Variants in GRID1 observed in about 807,000 individuals in gnomAD.
The protein encoded by GRID1 is glutamate receptor ionotropic, delta-1.
In GRID1, 28 loss-of-function variants were observed where a neutral mutation model predicts 98.0. The observed-to-expected ratio is 0.29, with a 90% confidence interval of 0.21 to 0.39. The LOEUF is 0.39. Among genes scored for constraint, GRID1 ranks in the 10% least tolerant of loss-of-function variants. The pLI, the probability that GRID1 is intolerant of heterozygous loss-of-function variation, is 1.00. For missense variants in GRID1, 1,111 were observed against 1,340.5 expected (o/e 0.83, Z 2.67); for synonymous variants, 553 against 538.5 (o/e 1.03, Z -0.37).
intron 4 of GRID1, among the ~76,000 whole-genome samples, chr10:85,968,527 A>C (rs1484812766): frequency 6.6e-6 from 1 of 152,098 alleles, no homozygotes; most frequent in Non-Finnish European, 1.5e-5. Context: ...AAATGTATAA[A>C]TATGCAATTT....
chr10:85,705,005 C>T lies in GRID1; in HGVS notation c.1997+17998G>A, dbSNP rs1050670596. Among the ~76,000 whole-genome samples, 3 of 152,126 alleles carry T rather than the reference C, an allele frequency of 2.0e-5. No individual in the cohort carries two copies. In the South Asian group the frequency reaches 6.2e-4, roughly 31 times the overall value. ...GGAAATTTATAGCACTAAATACCCA[C>T]AAGAGAAAGCAGGAAAGATCTAAAA... On this transcript the variant is annotated intron_variant, in intron 12 of 15. Transcript: ENST00000327946.
intron 4 of GRID1, among the ~76,000 whole-genome samples, chr10:86,107,772 G>A (rs987816119): frequency 4.6e-5 from 7 of 152,136 alleles, no homozygotes; most frequent in Admixed American, 2.6e-4. Context: ...AGCAGGTACC[G>A]GGAGGCCAGC....
At chr10:86,165,556 G>A (rs140504246) in intron 3 of GRID1, among the ~76,000 whole-genome samples, 84 of 152,298 alleles carry the variant, frequency 5.5e-4, no homozygotes, top group Non-Finnish European at 8.7e-4. Flanking sequence ...CCAAAGAGGC[G>A]GCCTGTGGCT....
At chr10:85,962,999 T>C (rs1307267368) in intron 4 of GRID1, among the ~76,000 whole-genome samples, 1 of 152,116 alleles carries the variant, frequency 6.6e-6, no homozygotes, top group Non-Finnish European at 1.5e-5. Flanking sequence ...AAGAAGCAGG[T>C]TCTGTGTGAG....
At chr10:86,024,445 T>C (rs1417901563) in intron 4 of GRID1, among the ~76,000 whole-genome samples, 3 of 152,198 alleles carry the variant, frequency 2.0e-5, no homozygotes, top group African/African-American at 4.8e-5. Flanking sequence ...ATTTTTTCCC[T>C]AGGCAGCATG....
intron 2 of GRID1, among the ~76,000 whole-genome samples, chr10:86,288,070 CA>C (rs1847460444): frequency 6.6e-6 from 1 of 152,158 alleles, no homozygotes; most frequent in Non-Finnish European, 1.5e-5. Context: ...GGGGAAAAGG[CA>C]GCAGGAAGAT....
At chr10:85,757,842 G>A (rs187892452) in intron 8 of GRID1, among the ~76,000 whole-genome samples, 1 of 152,346 alleles carries the variant, frequency 6.6e-6, no homozygotes, top group East Asian at 1.9e-4. Flanking sequence ...CAACTAAAAA[G>A]GGTCTGGTAC....
At chr10:85,894,946 T>G (rs188765068) in intron 5 of GRID1, among the ~76,000 whole-genome samples, 2 of 147,630 alleles carry the variant, frequency 1.4e-5, no homozygotes, top group East Asian at 4.0e-4. Flanking sequence ...AGCTGGAGGT[T>G]GCAGTGAACC....
At chr10:85,986,623 G>A (rs964971033) in intron 4 of GRID1, among the ~76,000 whole-genome samples, 1 of 152,314 alleles carries the variant, frequency 6.6e-6, no homozygotes, top group Admixed American at 6.5e-5. Context: ...GAGCAAGTCT[G>A]TGCCAGGCCC....
chr10:86,060,350 C>G (rs1442189995), intron 4 of GRID1, among the ~76,000 whole-genome samples: 1 of 152,118 alleles, frequency 6.6e-6, no homozygotes, highest in East Asian at 1.9e-4. Context: ...TTCTGTATTC[C>G]AGCATTTATA....
At chr10:85,721,554 C>T (rs1388154533) in intron 12 of GRID1, among the ~76,000 whole-genome samples, 1 of 152,040 alleles carries the variant, frequency 6.6e-6, no homozygotes, top group African/African-American at 2.4e-5. Context: ...CACATGAAAA[C>T]GTGGACGAAT....
At position 85,934,557 on chromosome 10, in the gene GRID1, G is replaced by C. The variant is rs146508043; in HGVS notation, c.727-18318C>G. Among the ~76,000 whole-genome samples, 448 of 152,214 alleles carry C rather than the reference G, an allele frequency of 2.9e-3. 2 individuals are homozygous for C. Among genetic ancestry groups the C allele is most frequent in the African/African-American group, 0.01 (429 of 41,520 alleles). ...TTCTAAGAGTCTAGATTCACATTTA[G>C]TGCTCTGGGACAAAAATCATATGTT... On this transcript the variant is annotated intron_variant, in intron 4 of 15. Coordinates refer to ENST00000327946, the MANE Select transcript of GRID1 (RefSeq NM_017551.3).
intron 4 of GRID1, among the ~76,000 whole-genome samples, chr10:86,094,601 C>T (rs544959353): frequency 1.0e-3 from 154 of 152,102 alleles, no homozygotes; most frequent in Non-Finnish European, 1.9e-3. Flanking sequence ...TTTCCAATAG[C>T]TGCAAAAAAT....
intron 5 of GRID1, among the ~76,000 whole-genome samples, chr10:85,886,319 T>A (rs1014732169): frequency 7.2e-5 from 11 of 152,224 alleles, no homozygotes; most frequent in Non-Finnish European, 1.6e-4. Flanking sequence ...CCACTTAGCC[T>A]CTGAATTGCC....
chr10:85,809,306 T>C (rs1312117776), intron 8 of GRID1, among the ~76,000 whole-genome samples: 1 of 152,124 alleles, frequency 6.6e-6, no homozygotes, highest in South Asian at 2.1e-4. Flanking sequence ...GTATCACAAC[T>C]TAAATTATTA....
intron 4 of GRID1, among the ~76,000 whole-genome samples, chr10:85,990,109 G>A (rs1201575200): frequency 6.6e-6 from 1 of 152,064 alleles, no homozygotes; most frequent in South Asian, 2.1e-4. Flanking sequence ...CCAAGTCTAT[G>A]GTATTTTTGT....
chr10:85,713,185 T>C (rs2132638583), intron 12 of GRID1, among the ~76,000 whole-genome samples: 1 of 151,058 alleles, frequency 6.6e-6, no homozygotes, highest in Admixed American at 6.6e-5. Context: ...AAGAAAAAGG[T>C]GGGAAGTTTC....
chr10:86,302,919 G>C (rs1847710159), intron 2 of GRID1, among the ~76,000 whole-genome samples: 1 of 152,222 alleles, frequency 6.6e-6, no homozygotes, highest in African/African-American at 2.4e-5. Flanking sequence ...ATCTCCAGGT[G>C]ATCTGTGTGC....
At chr10:85,715,965 G>C (rs1389308910) in intron 12 of GRID1, among the ~76,000 whole-genome samples, 7 of 151,514 alleles carry the variant, frequency 4.6e-5, no homozygotes. Flanking sequence ...GGAGTGCAGT[G>C]GCATGATCTC....
Sources: allele counts gnomAD v4.1 joint callset (sites outside exome capture counted in the v4.1 genomes callset), GRCh38; gene constraint gnomAD v4.1.1; transcripts MANE v1.5; gene names NCBI Gene and HGNC (gene_info 2026-07-23, HGNC 2026-07-21).